MORN1: variants seen among roughly 807,000 people sequenced by gnomAD.
The protein encoded by MORN1 is MORN repeat containing 1, also known as MORN repeat-containing protein 1.
MORN1 carries 67 observed loss-of-function variants against 61.9 expected under a neutral mutation model. The observed-to-expected ratio is 1.08, with a 90% CI of 0.89 to 1.33. The LOEUF is 1.33. Among genes scored for constraint, MORN1 ranks in the 40% most tolerant of loss-of-function variants. The pLI is 0.00. For synonymous variants in MORN1, 301 were observed against 292.0 expected (o/e 1.03, Z -0.31); for missense variants, 752 against 691.2 (o/e 1.09, Z -0.99).
intron 2 of MORN1, 170 bp from the exon 3 acceptor site, chr1:2,388,507 A>C: frequency 1.7e-6 from 1 of 576,388 alleles, no homozygotes; most frequent in East Asian, 3.0e-5. Flanking sequence ...TGTTCTCAAA[A>C]ATATCTGCCG....
intron 7 of MORN1, among the ~76,000 whole-genome samples, chr1:2,373,726 C>A (rs1294054110): frequency 3.3e-5 from 5 of 152,190 alleles, no homozygotes; most frequent in Non-Finnish European, 7.4e-5. Flanking sequence ...CTGGCCACTC[C>A]TGCCTTCCCG....
At chr1:2,384,810 G>A (rs1042236059) in intron 6 of MORN1, among the ~76,000 whole-genome samples, 168 bp downstream of exon 6, 4 of 152,236 alleles carry the variant, frequency 2.6e-5, no homozygotes, top group African/African-American at 9.6e-5. Context: ...TTCCCAACAG[G>A]GAACTGTGAG....
chr1:2,385,164 G>T (rs1313502561), intron 5 of MORN1, 99 bp from the exon 6 acceptor site: 6 of 1,275,808 alleles, frequency 4.7e-6, no homozygotes, highest in Non-Finnish European at 6.6e-6. Context: ...AGGCACTGCG[G>T]GACCGAGGCA....
chr1:2,342,575 C>T (rs1641418351), intron 10 of MORN1, among the ~76,000 whole-genome samples: 1 of 152,102 alleles, frequency 6.6e-6, no homozygotes, highest in African/African-American at 2.4e-5. Context: ...CACGCGGGGG[C>T]ACACAAGACA....
Sources: gnomAD v4.1 joint callset for allele counts (sites outside exome capture counted in the v4.1 genomes callset) on GRCh38, gnomAD v4.1.1 for gene constraint, MANE v1.5 for transcripts, NCBI Gene and HGNC (gene_info 2026-07-23, HGNC 2026-07-21) for gene names.